The following SLC5A1 variants were observed in gnomAD, a reference collection of about 807,000 sequenced individuals.
SLC5A1 encodes the protein sodium/glucose cotransporter 1.
Under a neutral mutation model 73.5 loss-of-function variants are expected in SLC5A1, and 42 were observed. The ratio of observed to expected loss-of-function variants is 0.57; its 90% CI spans 0.45 to 0.74. SLC5A1 has a LOEUF of 0.74. SLC5A1 is among the 30% of genes least tolerant of loss of function. The pLI, the probability that SLC5A1 is intolerant of heterozygous loss-of-function variation, is 0.00. For synonymous variants in SLC5A1, 300 were observed against 317.4 expected (o/e 0.95, Z 0.58); for missense variants, 634 against 855.4 (o/e 0.74, Z 3.23).
At chr22:32,106,378 A>C (rs796109124) in intron 14 of SLC5A1, among the ~76,000 whole-genome samples, 1 of 152,258 alleles carries the variant, frequency 6.6e-6, no homozygotes, top group East Asian at 1.9e-4. Context: ...AGAAACGTCT[A>C]TTAAAATCTT....
rs1267239078 is a variant in SLC5A1 at position 32,043,677 on chromosome 22, TG to T, written c.135+266del. The stretch of plus-strand genomic sequence containing the variant: ...TGAGCCTGTGAGCAGAGAAGGAAGG[TG>T]GGGGTTTGAAGAGACCGCTGGAAAG... On this transcript the variant is annotated intron_variant, in intron 1 of 14. Coordinates refer to ENST00000266088, the MANE Select transcript of SLC5A1 (RefSeq NM_000343.4). The surrounding 1 kb of genome is among the most constrained non-coding windows in gnomAD (Gnocchi z 6.5). Among the ~76,000 whole-genome samples the T allele has an allele frequency of 6.6e-6, 1 of 151,672 alleles. No individual in the cohort carries two copies. Among genetic ancestry groups the T allele is most frequent in the African/African-American group, 2.4e-5 (1 of 41,264 alleles).
intron 10 of SLC5A1, among the ~76,000 whole-genome samples, chr22:32,091,332 CACACACA>C: frequency 6.9e-6 from 1 of 144,830 alleles, no homozygotes; most frequent in South Asian, 2.1e-4. Context: ...CACACACACA[CACACACA>C]CACCCCACCA....
intron 10 of SLC5A1, among the ~76,000 whole-genome samples, chr22:32,088,807 T>C (rs1032856063): frequency 6.6e-6 from 1 of 152,202 alleles, no homozygotes; most frequent in Admixed American, 6.5e-5. Context: ...TCTTTTTAAA[T>C]TTTCCCCATC....
chr22:32,070,112 G>C (rs920462751), intron 5 of SLC5A1, among the ~76,000 whole-genome samples: 2 of 151,924 alleles, frequency 1.3e-5, no homozygotes, highest in African/African-American at 2.4e-5. Context: ...TTGCAGAGCT[G>C]AGATTTCTCA....
At position 32,106,046 on chromosome 22, in the gene SLC5A1, T is replaced by C. The variant is rs576406453; in HGVS notation, c.1771+1155T>C. Among the ~76,000 whole-genome samples, 56 of 152,364 alleles carry C rather than the reference T, an allele frequency of 3.7e-4. 1 individual carries two copies. The highest frequency in any genetic ancestry group is 2.3e-3 in the South Asian group (11 of 4,828). On this transcript the variant is annotated intron_variant, in intron 14 of 14. Transcript: ENST00000266088. ...ATTGTAAACAGTGCAGCAACAAACA[T>C]AGGAGTGCAGATATCTCTTCAATAT...
At position 32,050,861 on chromosome 22, in the gene SLC5A1, G is replaced by C. The variant is rs1250457309; in HGVS notation, c.207+847G>C. On this transcript the variant is annotated intron_variant, in intron 2 of 14. Coordinates refer to ENST00000266088, the MANE Select transcript of SLC5A1 (RefSeq NM_000343.4). The stretch of plus-strand genomic sequence containing the variant: ...TGAGGCAAGCCAAGGCAACTCATCT[G>C]AGTAACATGAAACCATGAAACTGTA... Among the ~76,000 whole-genome samples, 9 of 152,214 alleles carry C rather than the reference G, an allele frequency of 5.9e-5. No individual in the cohort carries two copies. In the East Asian group the frequency reaches 1.7e-3, roughly 29 times the overall value.
In SLC5A1 at chr22:32,111,645, G is replaced by C. The variant is rs28540121; in HGVS notation, c.*1432G>C. ...TGTAGGTGAGGCAAGGCAGGGTAGG[G>C]CAGGGCCTTTGGGTAGGCTGATCAG... On this transcript the variant is annotated 3_prime_UTR_variant, in exon 15 of 15. Coordinates refer to ENST00000266088, the MANE Select transcript of SLC5A1 (RefSeq NM_000343.4). 6.6e-6 allele frequency: 1 copy of C among 152,188 alleles called. No individual in the cohort carries two copies. The highest frequency in any genetic ancestry group is 1.5e-5 in the Non-Finnish European group (1 of 68,044). The allele number at this position is 152,188 out of a possible 1,614,324, so 9.4% of individuals were successfully genotyped here. A position where few individuals can be genotyped will look rare whatever the true frequency, so the allele number is the denominator to read the frequency against.
At chr22:32,085,124 C>CTTTTTTTTTTTTTTTTTTTTTT (rs1476350608) in intron 9 of SLC5A1, 89 bp downstream of exon 9, 2 of 1,495,030 alleles carry the variant, frequency 1.3e-6, no homozygotes, top group East Asian at 2.3e-5. Flanking sequence ...GCTTCCTCCT[C>CTTTTTTTTTTTTTTTTTTTTTT]TTTTTTTTTG....
chr22:32,109,919 G>A (rs1364715410), intron 14 of SLC5A1, 71 bp from the exon 15 acceptor site: 2 of 1,172,814 alleles, frequency 1.7e-6, no homozygotes, highest in Non-Finnish European at 2.6e-6. Flanking sequence ...TCATGGTGTG[G>A]CTTCTCCCCT....
intron 5 of SLC5A1, among the ~76,000 whole-genome samples, chr22:32,073,412 AG>A (rs2093985792): frequency 6.6e-6 from 1 of 152,172 alleles, no homozygotes; most frequent in Non-Finnish European, 1.5e-5. Flanking sequence ...GCCAACACCT[AG>A]GAATAGTGCT....
rs1569302213 is a variant in SLC5A1 at position 32,060,138 on chromosome 22, T to TATAC, written c.208-6796_208-6795insTACA. 2.3e-5 allele frequency among the ~76,000 whole-genome samples: 3 copies of TATAC among 132,136 alleles called. No homozygotes were observed. The South Asian group carries it at 6.8e-4, about 30-fold the overall frequency. The allele number at this position is 132,136 out of a possible 152,430, so 86.7% of individuals were successfully genotyped here. Reference sequence around the variant, plus strand: ...ATATATATACATACACACATATATATACACATACACACACACACACACACA... The same window carrying TATAC: ...ATATATATACATACACACATATATATATACACACATACACACACACACACACACA... On this transcript the variant is annotated intron_variant, in intron 2 of 14. Coordinates refer to ENST00000266088, the MANE Select transcript of SLC5A1 (RefSeq NM_000343.4).
intron 11 of SLC5A1, 25 bp from the exon 12 acceptor site, chr22:32,099,158 C>A (rs1174378291): frequency 3.3e-6 from 5 of 1,502,018 alleles, no homozygotes; most frequent in Non-Finnish European, 4.5e-6. Context: ...TTATTGACAC[C>A]TTGTTGTGGG....
intron 6 of SLC5A1, 128 bp downstream of exon 6, chr22:32,082,099 G>A: frequency 1.4e-6 from 1 of 733,980 alleles, no homozygotes; most frequent in Non-Finnish European, 2.5e-6. Flanking sequence ...GAGTTTGGGA[G>A]TGAGGTATTT....
chr22:32,100,590 AT>A (rs953427860), intron 12 of SLC5A1, among the ~76,000 whole-genome samples: 1 of 151,792 alleles, frequency 6.6e-6, no homozygotes, highest in African/African-American at 2.4e-5. Context: ...AAATTTATTG[AT>A]TTTTTTTGAG....
chr22:32,085,594 C>T (rs1368381982), intron 9 of SLC5A1, among the ~76,000 whole-genome samples: 2 of 146,736 alleles, frequency 1.4e-5, no homozygotes, highest in Non-Finnish European at 3.0e-5. Context: ...TGACATGCCT[C>T]CAGGTCACTT....
chr22:32,073,912 TG>T (rs1267661770), intron 5 of SLC5A1, among the ~76,000 whole-genome samples: 1 of 152,164 alleles, frequency 6.6e-6, no homozygotes, highest in Non-Finnish European at 1.5e-5. Flanking sequence ...CCATTTTATT[TG>T]ATTAGAGACC....
chr22:32,099,168 G>C lies in SLC5A1; in HGVS notation c.1281-15G>C. 6.3e-7 allele frequency: 1 copy of C among 1,585,506 alleles called. No homozygotes were observed. The highest frequency in any genetic ancestry group is 1.7e-5 in the Admixed American group (1 of 59,054). ...GCTATTTATTGACACCTTGTTGTGGGGGCTTTAATTTCAGGTTGTTTATCC... is the reference window on the plus strand; with the variant it reads ...GCTATTTATTGACACCTTGTTGTGGCGGCTTTAATTTCAGGTTGTTTATCC... On this transcript the variant is annotated splice_polypyrimidine_tract_variant and intron_variant, in intron 11 of 14. Coordinates refer to ENST00000266088, the MANE Select transcript of SLC5A1 (RefSeq NM_000343.4).
intron 5 of SLC5A1, among the ~76,000 whole-genome samples, chr22:32,078,440 G>A (rs1399113277): frequency 1.3e-5 from 2 of 151,800 alleles, no homozygotes; most frequent in Non-Finnish European, 2.9e-5. Flanking sequence ...GCTAATTTTT[G>A]TATTTTTAGT....
intron 3 of SLC5A1, 122 bp from the exon 4 acceptor site, chr22:32,067,845 T>C (rs2093976395): frequency 5.9e-6 from 6 of 1,014,414 alleles, no homozygotes; most frequent in Non-Finnish European, 9.5e-6. Context: ...CTGCAGTCTC[T>C]AACGGCTCCT....
Sources: gnomAD v4.1 joint callset for allele counts (sites outside exome capture counted in the v4.1 genomes callset) on GRCh38, gnomAD v4.1.1 for gene constraint, Gnocchi (gnomAD v3.1) non-coding constraint, MANE v1.5 for transcripts, NCBI Gene and HGNC (gene_info 2026-07-23, HGNC 2026-07-21) for gene names.